The following PASK variants were observed in gnomAD, a reference collection of about 807,000 sequenced individuals.
PASK encodes PAS domain-containing serine/threonine-protein kinase.
A neutral mutation model predicts 121.0 loss-of-function variants in PASK; 110 were observed. The observed-to-expected ratio is 0.91, with a 90% CI of 0.78 to 1.06. PASK has a LOEUF of 1.06. PASK is among the 50% of genes least tolerant of loss of function. The pLI is 0.00. For missense variants in PASK, 1,643 were observed against 1,702.3 expected, an observed-to-expected ratio of 0.97 and a Z score of 0.61; for synonymous variants, 686 against 717.8, an observed-to-expected ratio of 0.96 and a Z score of 0.71.
rs148835699 is a variant in PASK, at chr2:241,126,766, C to T, written c.2149G>A (p.Ala717Thr). The change falls in exon 10 of 18, where the codon GCC becomes ACC. Residue 717 changes from alanine (A) to threonine (T), a missense_variant. Physicochemically the swap from Ala to Thr is moderately conservative, Grantham distance 58. Transcript: ENST00000234040. ...GCTGSSSACY[A>T]LATDLPGGLE... is the part of the protein sequence containing the mutation. ...CCCCCAGGGAGGTCCGTGGCCAAGG[C>T]ATAGCAGGCTGAGGAGCTGCCCGTG... is the stretch of plus-strand genomic sequence containing the variant. The T allele has an allele frequency of 1.2e-6, 2 of 1,614,076 alleles. No homozygotes were observed. The highest frequency in any genetic ancestry group is 1.3e-5 in the African/African-American group (1 of 75,072).
In PASK at chr2:241,133,044, CAA is replaced by C. The variant is rs1451932941; in HGVS notation, c.1307-16_1307-15del. On this transcript the variant is annotated splice_polypyrimidine_tract_variant and intron_variant, in intron 8 of 17. Coordinates refer to ENST00000234040, the MANE Select transcript of PASK (RefSeq NM_015148.4). ...TAATCCTTGGATCTGGCAGCAACAC[CAA>C]AAAAGAGCGTTTGCTCTTCACAGGC... The C allele has an allele frequency of 2.5e-6, 4 of 1,613,684 alleles. No homozygotes were observed. The highest frequency in any genetic ancestry group is 3.4e-6 in the Non-Finnish European group (4 of 1,179,746).
chr2:241,126,552 C>T lies in PASK; in HGVS notation c.2363G>A (p.Gly788Glu). 8 of 1,614,248 alleles carry T rather than the reference C, an allele frequency of 5.0e-6. No homozygotes were observed. Among genetic ancestry groups the T allele is most frequent in the Non-Finnish European group, 5.9e-6 (7 of 1,180,036 alleles). The change falls in exon 10 of 18, where the codon GGG (glycine) becomes GAG (glutamate). Residue 788 changes from glycine to glutamate, a missense_variant. Around this residue, in one of 3 missense-constraint regions of PASK, gnomAD observed 1,176 missense variants for 1,162.2 expected, o/e 1.01. Transcript: ENST00000234040. ...CTCCCTGTCATCCAGGACACACGAC[C>T]CCTGTTCCTGGAGACTGCCTACATC... ...DPDVGSLQEQGSCVLDDRELL... is the reference protein window; with the variant it reads ...DPDVGSLQEQESCVLDDRELL...
intron 15 of PASK, chr2:241,109,323 C>A (rs2065010860): frequency 6.6e-6 from 1 of 152,544 alleles, no homozygotes; most frequent in Non-Finnish European, 1.5e-5. Flanking sequence ...CAAGCACGCA[C>A]CAGAGCCAGG....
In PASK at chr2:241,135,993, G is replaced by A. The variant is rs777980574; in HGVS notation, c.1184C>T (p.Ala395Val). Residue 395 changes from alanine to valine, a missense_variant, in exon 8 of 18, where the codon GCG becomes GTG. Physicochemically the swap from Ala to Val is moderately conservative, Grantham distance 64. Transcript: ENST00000234040. ...IPGFYSYMDL[A>V]YNSSLQLPDL... is the part of the protein sequence containing the mutation. ...TGGGAGCTGTAATGAGCTGTTGTACGCAAGGTCCATGTAGCTGTAGAAACC... is the reference window on the plus strand; with the variant it reads ...TGGGAGCTGTAATGAGCTGTTGTACACAAGGTCCATGTAGCTGTAGAAACC... 35 of 1,613,660 alleles carry A rather than the reference G, an allele frequency of 2.2e-5. No homozygotes were observed. Among genetic ancestry groups the A allele is most frequent in the East Asian group, 6.7e-5 (3 of 44,888 alleles).
intron 15 of PASK, among the ~76,000 whole-genome samples, chr2:241,111,343 G>T (rs1169301013): frequency 1.3e-5 from 2 of 152,194 alleles, no homozygotes; most frequent in African/African-American, 4.8e-5. Context: ...AGAGGGCCAG[G>T]AGGGTCCAAG....
rs56139954 is a variant in PASK at position 241,124,043 on chromosome 2, C to T, written c.2810G>A (p.Arg937His). 12,917 of 1,613,546 alleles carry T rather than the reference C, an allele frequency of 8.0e-3. 106 individuals are homozygous for T. Among genetic ancestry groups the T allele is most frequent in the Non-Finnish European group, 8.2e-3 (9,631 of 1,179,934 alleles). ...WLVKDLLHSQ[R>H]DSAARTRLFL... ...CAGGCGGGTCCTGGCGGCTGAGTCG[C>T]GTTGGCTGTGGAGGAGGTCTTTCAC... is the stretch of plus-strand genomic sequence containing the variant. The change falls in exon 11 of 18, where the codon CGC becomes CAC. Residue 937 changes from arginine to histidine, a missense_variant. Physicochemically the swap from Arg to His is conservative, Grantham distance 29 (BLOSUM62 0). Transcript: ENST00000234040.
chr2:241,137,047 G>A lies in PASK; in HGVS notation c.1094C>T (p.Ala365Val), dbSNP rs757893760. 5.0e-6 allele frequency: 8 copies of A among 1,613,458 alleles called. No homozygotes were observed. The highest frequency in any genetic ancestry group is 2.2e-5 in the South Asian group (2 of 91,088). ...CTTTCCGTAACCAAACAGTGTCAGC[G>A]CGAAGCTGTGGTTGATGCCGTGGAT... ...GTIHGINHSF[A>V]LTLFGYGKTE... The change falls in exon 7 of 18, where the codon GCG (alanine) becomes GTG (valine). Residue 365 changes from alanine to valine, a missense_variant. By Grantham distance (64) the Ala-to-Val change is moderately conservative. Around this residue, in one of 3 missense-constraint regions of PASK, gnomAD observed 1,176 missense variants for 1,162.2 expected, o/e 1.01. Coordinates refer to ENST00000234040, the MANE Select transcript of PASK (RefSeq NM_015148.4).
chr2:241,131,508 T>A (rs1010488973), intron 9 of PASK, among the ~76,000 whole-genome samples: 49 of 152,178 alleles, frequency 3.2e-4, no homozygotes, highest in African/African-American at 1.1e-3. Context: ...ACATATTTTT[T>A]AAATAATTTC....
At chr2:241,110,071 A>T (rs916765782) in intron 15 of PASK, among the ~76,000 whole-genome samples, 43 of 152,264 alleles carry the variant, frequency 2.8e-4, no homozygotes, top group African/African-American at 1.0e-3. Flanking sequence ...ACAAATGTCC[A>T]CTGACAGATG....
chr2:241,120,600 G>A (rs986303205), intron 12 of PASK, among the ~76,000 whole-genome samples: 5 of 152,072 alleles, frequency 3.3e-5, no homozygotes, highest in Non-Finnish European at 7.4e-5. Context: ...TAGTCATCAG[G>A]GAAATGCAAA....
intron 1 of PASK, among the ~76,000 whole-genome samples, chr2:241,143,908 GCTTTTCTCTTATA>G (rs2066828248): frequency 6.6e-6 from 1 of 152,220 alleles, no homozygotes; most frequent in African/African-American, 2.4e-5. Flanking sequence ...TGTATTTTTA[GCTTTTCTCTTATA>G]CATGATTCAA....
At chr2:241,149,885 A>G, upstream of PASK, 2 of 1,446,992 alleles carry the variant, frequency 1.4e-6, no homozygotes, top group Non-Finnish European at 1.8e-6. Flanking sequence ...CCAGCTGGCT[A>G]GCGGCCCCAC....
rs368260372 is a variant in PASK, at chr2:241,142,833, T to C, written c.196+4A>G. On this transcript the variant is annotated splice_donor_region_variant and intron_variant, in intron 2 of 17. Transcript: ENST00000234040. The stretch of plus-strand genomic sequence containing the variant: ...TAAGGCCTGCAGTGGTCGAAGGTCA[T>C]TACCAGAGAGCGCTGTCCTGCTCTG... The C allele has an allele frequency of 4.4e-5, 71 of 1,607,646 alleles. No homozygotes were observed. In the African/African-American group the frequency reaches 8.8e-4, roughly 20 times the overall value.
intron 7 of PASK, among the ~76,000 whole-genome samples, chr2:241,136,542 G>A (rs1010454861): frequency 2.6e-5 from 4 of 152,206 alleles, no homozygotes; most frequent in Non-Finnish European, 4.4e-5. Flanking sequence ...ACCTCACAGA[G>A]GGCACAAGTG....
In PASK at chr2:241,115,073, A is replaced by G; in HGVS notation, c.3303T>C (p.Asp1101=). 3.1e-6 allele frequency: 5 copies of G among 1,614,144 alleles called. No homozygotes were observed. Among genetic ancestry groups the G allele is most frequent in the African/African-American group, 1.3e-5 (1 of 75,044 alleles). Residue 1101 remains aspartate, a synonymous_variant, in exon 14 of 18, where the codon GAT becomes GAC. Transcript: ENST00000234040. The stretch of plus-strand genomic sequence containing the variant: ...GGAAGATGTAGCTCGCCAGGGGCTC[A>G]TCCAGCCTGGGGTGGCGGTCGATGA... ...FAFIDRHPRL[D]EPLASYIFRQ...
upstream of PASK, chr2:241,149,858 T>C: frequency 2.0e-6 from 3 of 1,466,388 alleles, no homozygotes; most frequent in Non-Finnish European, 2.7e-6. Flanking sequence ...GGAGCCCAGC[T>C]GGCGCCCCGG....
At chr2:241,118,231 A>AC (rs2065456974) in intron 12 of PASK, among the ~76,000 whole-genome samples, 1 of 152,062 alleles carries the variant, frequency 6.6e-6, no homozygotes, top group South Asian at 2.1e-4. Flanking sequence ...AAAAAAAAAA[A>AC]CACAAAGTTG....
chr2:241,115,323 T>C lies in PASK; in HGVS notation c.3163A>G (p.Ile1055Val), dbSNP rs775509775. 17 of 1,613,980 alleles carry C rather than the reference T, an allele frequency of 1.1e-5. No individual in the cohort carries two copies. The highest frequency in any genetic ancestry group is 2.2e-5 in the East Asian group (1 of 44,890). The change falls in exon 13 of 18, where the codon ATT becomes GTT. Residue 1055 changes from isoleucine (I) to valine (V), a missense_variant. Ile to Val is a conservative substitution (Grantham distance 29). This residue lies in a region of PASK where 453 missense variants were observed against 511.2 expected (regional missense o/e 0.89). Transcript: ENST00000234040. ...KLGKVTLEIA[I>V]LSRVEHANII... is the part of the protein sequence containing the mutation. ...TTGGCGTGCTCCACCCTGGATAGAA[T>C]TGCGATCTCTAAAGTAACTTTCCCA...
At chr2:241,149,527 C>A, upstream of PASK, 1 of 863,328 alleles carries the variant, frequency 1.2e-6, no homozygotes, top group Non-Finnish European at 1.7e-6. Context: ...ACAAGCTCCA[C>A]GGACCAGCCA....
Sources: allele counts gnomAD v4.1 joint callset (sites outside exome capture counted in the v4.1 genomes callset), GRCh38; gene constraint gnomAD v4.1.1; regional missense constraint gnomAD v4.1.1; transcripts MANE v1.5; gene names NCBI Gene and HGNC (gene_info 2026-07-23, HGNC 2026-07-21).